The following DPF3 variants were observed in gnomAD, a reference collection of about 807,000 sequenced individuals.
DPF3 encodes zinc finger protein DPF3.
A neutral mutation model predicts 56.8 loss-of-function variants in DPF3; 18 were observed. The ratio of observed to expected loss-of-function variants is 0.32; its 90% CI spans 0.22 to 0.47. DPF3 has a LOEUF of 0.47. Among genes scored for constraint, DPF3 ranks in the 20% least tolerant of loss-of-function variants. The pLI is 1.00. For missense variants in DPF3, 403 were observed against 488.8 expected, an observed-to-expected ratio of 0.82 and a Z score of 1.65; for synonymous variants, 188 against 180.2, an observed-to-expected ratio of 1.04 and a Z score of -0.35.
At position 72,707,276 on chromosome 14, in the gene DPF3, G is replaced by A. The variant is rs868632410; in HGVS notation, c.604+7147C>T. Among the ~76,000 whole-genome samples, 374 of 152,168 alleles carry A rather than the reference G, an allele frequency of 2.5e-3. 1 individual carries two copies. Among genetic ancestry groups the A allele is most frequent in the Middle Eastern group, 0.01 (3 of 294 alleles). On this transcript the variant is annotated intron_variant, in intron 6 of 10. Transcript: ENST00000556509. ...AGTCTTTGCTATTGTGAATAGTGCC[G>A]CAATAAACATACGTGTGCATGTGTC... is the stretch of plus-strand genomic sequence containing the variant.
chr14:72,823,818 T>C (rs1473931803), intron 1 of DPF3, among the ~76,000 whole-genome samples: 2 of 152,192 alleles, frequency 1.3e-5, no homozygotes, highest in Non-Finnish European at 2.9e-5. Context: ...TACCTTCATC[T>C]ATGGGACAGG....
intron 6 of DPF3, among the ~76,000 whole-genome samples, chr14:72,698,715 T>C (rs185025004): frequency 1.3e-5 from 2 of 152,214 alleles, no homozygotes; most frequent in East Asian, 1.9e-4. Flanking sequence ...GGCTACACTA[T>C]GGTTTAGTAG....
intron 6 of DPF3, 62 bp downstream of exon 6, chr14:72,714,361 G>C (rs1567209030): frequency 6.3e-7 from 1 of 1,599,508 alleles, no homozygotes. Context: ...GAAGCACAGG[G>C]AAGAGGGGCC....
intron 5 of DPF3, among the ~76,000 whole-genome samples, chr14:72,721,278 A>G (rs1465490156): frequency 6.6e-6 from 1 of 152,228 alleles, no homozygotes; most frequent in Non-Finnish European, 1.5e-5. Flanking sequence ...GTTTTCACAG[A>G]CACCCAATTC....
chr14:72,867,859 C>T (rs896184693), intron 1 of DPF3, among the ~76,000 whole-genome samples: 5 of 152,206 alleles, frequency 3.3e-5, no homozygotes, highest in African/African-American at 4.8e-5. Flanking sequence ...CCACCTCGGC[C>T]TCCTGTGTAG....
intron 1 of DPF3, among the ~76,000 whole-genome samples, chr14:72,854,079 A>G (rs1885087748): frequency 6.6e-6 from 1 of 152,164 alleles, no homozygotes; most frequent in Non-Finnish European, 1.5e-5. Flanking sequence ...CTTTTTGGCC[A>G]GGCGCAGTGC....
At chr14:72,816,937 C>T (rs1883313350) in intron 1 of DPF3, among the ~76,000 whole-genome samples, 1 of 152,204 alleles carries the variant, frequency 6.6e-6, no homozygotes, top group Non-Finnish European at 1.5e-5. Context: ...ACAGGCAATT[C>T]TCTACTCCAC....
intron 8 of DPF3, among the ~76,000 whole-genome samples, chr14:72,646,030 C>T (rs1885714115): frequency 6.6e-6 from 1 of 152,132 alleles, no homozygotes; most frequent in South Asian, 2.1e-4. Context: ...CCAGGTGATT[C>T]GCATGCACAG....
intron 1 of DPF3, among the ~76,000 whole-genome samples, chr14:72,790,313 A>C (rs1344436260): frequency 2.6e-5 from 4 of 152,132 alleles, no homozygotes; most frequent in Non-Finnish European, 5.9e-5. Context: ...TTCCTGGGAG[A>C]AAGACTGGTC....
At chr14:72,737,494 C>T (rs144877900) in intron 3 of DPF3, among the ~76,000 whole-genome samples, 28 of 152,290 alleles carry the variant, frequency 1.8e-4, no homozygotes, top group Admixed American at 4.6e-4. Flanking sequence ...GCAAACGCCA[C>T]GAATGTCATG....
At position 72,723,904 on chromosome 14, in the gene DPF3, A is replaced by C. The variant is rs564647850; in HGVS notation, c.430-176T>G. 10 of 584,842 alleles carry C rather than the reference A, an allele frequency of 1.7e-5. No individual in the cohort carries two copies. The South Asian group carries it at 2.3e-4, about 13-fold the overall frequency. The allele number at this position is 584,842 out of a possible 1,614,324, so 36.2% of individuals were successfully genotyped here. A position where few individuals can be genotyped will look rare whatever the true frequency, so the allele number is the denominator to read the frequency against. ...GCTGTCTGGAGTTTGAACTCTTGGCACTACCGAGGCTCTCCTAAGCCCTTG... is the reference window on the plus strand; with the variant it reads ...GCTGTCTGGAGTTTGAACTCTTGGCCCTACCGAGGCTCTCCTAAGCCCTTG... On this transcript the variant is annotated intron_variant, in intron 4 of 10. Coordinates refer to ENST00000556509, the MANE Select transcript of DPF3 (RefSeq NM_001280542.3).
At chr14:72,726,764 A>T (rs1166965239) in intron 4 of DPF3, among the ~76,000 whole-genome samples, 1 of 152,224 alleles carries the variant, frequency 6.6e-6, no homozygotes, top group Non-Finnish European at 1.5e-5. Context: ...ATTATCTGGA[A>T]AATAAACACA....
At chr14:72,743,275 C>T (rs1317144526) in intron 3 of DPF3, among the ~76,000 whole-genome samples, 1 of 152,076 alleles carries the variant, frequency 6.6e-6, no homozygotes, top group Non-Finnish European at 1.5e-5. Flanking sequence ...ACAGGAGGAG[C>T]GTCAACTGTA....
chr14:72,631,603 C>T (rs1885173586), intron 8 of DPF3, among the ~76,000 whole-genome samples: 1 of 152,078 alleles, frequency 6.6e-6, no homozygotes, highest in South Asian at 2.1e-4. Context: ...AGTTCTGTGC[C>T]ACACCCCAGC....
At chr14:72,888,238 C>G (rs1886623841) in intron 1 of DPF3, among the ~76,000 whole-genome samples, 1 of 152,150 alleles carries the variant, frequency 6.6e-6, no homozygotes, top group African/African-American at 2.4e-5. Flanking sequence ...TTGCCACTGC[C>G]TGCCACACTA....
chr14:72,892,942 T>TGGAAGGAA (rs61598180), intron 1 of DPF3, among the ~76,000 whole-genome samples: 8 of 132,742 alleles, frequency 6.0e-5, no homozygotes, highest in Admixed American at 1.5e-4. Context: ...TTCCACTGAC[T>TGGAAGGAA]GGAAGGAAGG....
chr14:72,743,309 A>G (rs973182035), intron 3 of DPF3, among the ~76,000 whole-genome samples: 1 of 152,086 alleles, frequency 6.6e-6, no homozygotes, highest in African/African-American at 2.4e-5. Context: ...CTGCGGGTCC[A>G]GGATAAGTGA....
At chr14:72,793,042 T>G (rs1026481463) in intron 1 of DPF3, among the ~76,000 whole-genome samples, 1 of 152,166 alleles carries the variant, frequency 6.6e-6, no homozygotes, top group African/African-American at 2.4e-5. Flanking sequence ...GTCCCTCCCT[T>G]TAAACACTGA....
At chr14:72,857,992 A>G (rs1388051419) in intron 1 of DPF3, among the ~76,000 whole-genome samples, 3 of 151,976 alleles carry the variant, frequency 2.0e-5, no homozygotes, top group Non-Finnish European at 4.4e-5. Context: ...AGTCATAGAA[A>G]ACGTTCAGAG....
Sources: gnomAD v4.1 joint callset for allele counts (sites outside exome capture counted in the v4.1 genomes callset) on GRCh38, gnomAD v4.1.1 for gene constraint, MANE v1.5 for transcripts, NCBI Gene and HGNC (gene_info 2026-07-23, HGNC 2026-07-21) for gene names.